The following ZFHX4 variants were observed in gnomAD, a reference collection of about 807,000 sequenced individuals.
ZFHX4 encodes zinc finger homeobox protein 4.
A neutral mutation model predicts 267.6 loss-of-function variants in ZFHX4; 56 were observed. The observed-to-expected ratio is 0.21, with a 90% CI of 0.17 to 0.26. The LOEUF (loss-of-function observed/expected upper bound fraction) is 0.26, where lower values mean the gene tolerates loss of function less well. Among genes scored for constraint, ZFHX4 ranks in the 10% least tolerant of loss-of-function variants. The pLI is 1.00. For missense variants in ZFHX4, 4,332 were observed against 4,420.0 expected (o/e 0.98, Z 0.56); for synonymous variants, 1,778 against 1,665.6 (o/e 1.07, Z -1.64).
At chr8:76,850,477 G>T in intron 9 of ZFHX4, 115 bp downstream of exon 9, 1 of 851,882 alleles carries the variant, frequency 1.2e-6, no homozygotes, top group Non-Finnish European at 1.8e-6. Flanking sequence ...GGGGAAAAAT[G>T]TATGCCATTT....
At chr8:76,814,575 T>C (rs1290139688) in intron 4 of ZFHX4, among the ~76,000 whole-genome samples, 1 of 152,176 alleles carries the variant, frequency 6.6e-6, no homozygotes, top group Non-Finnish European at 1.5e-5. Context: ...TGCTGTTCCT[T>C]AAGAATGCTG....
intron 1 of ZFHX4, among the ~76,000 whole-genome samples, chr8:76,690,514 G>A (rs749255302): frequency 2.0e-5 from 3 of 151,978 alleles, no homozygotes; most frequent in Admixed American, 6.6e-5. Flanking sequence ...CATTAAACCT[G>A]AAATACTTTG....
At chr8:76,723,284 G>T (rs567607592) in intron 3 of ZFHX4, among the ~76,000 whole-genome samples, 22 of 152,092 alleles carry the variant, frequency 1.4e-4, no homozygotes, top group African/African-American at 5.3e-4. Context: ...TGGGCTCTGA[G>T]TTACCATTAG....
intron 3 of ZFHX4, among the ~76,000 whole-genome samples, chr8:76,757,208 A>T (rs1281620025): frequency 6.6e-6 from 1 of 152,186 alleles, no homozygotes; most frequent in African/African-American, 2.4e-5. Context: ...CGCAGTCTAA[A>T]GTGGAAGCCA....
intron 4 of ZFHX4, among the ~76,000 whole-genome samples, chr8:76,807,551 T>C (rs1811275977): frequency 6.6e-6 from 1 of 152,038 alleles, no homozygotes. Context: ...ACAAGACAAT[T>C]GGGCTATAAG....
Position 76,863,676 on chromosome 8 carries a change from A to G in ZFHX4, c.9962A>G (p.Gln3321Arg). 6.2e-7 allele frequency: 1 copy of G among 1,601,888 alleles called. No homozygotes were observed. The highest frequency in any genetic ancestry group is 8.5e-7 in the Non-Finnish European group (1 of 1,173,548). The change falls in exon 11 of 11, where the codon CAG becomes CGG. Residue 3321 changes from glutamine (Q) to arginine (R), a missense_variant. Transcript: ENST00000651372. The part of the protein sequence containing the change: ...SPGALLQQYQ[Q>R]YQQNLQESLQ... ...GGTGCACTGTTGCAGCAGTACCAAC[A>G]GTATCAGCAGAACCTGCAGGAGTCC...
chr8:76,691,923 T>A (rs1193257520), intron 1 of ZFHX4, among the ~76,000 whole-genome samples: 1 of 152,062 alleles, frequency 6.6e-6, no homozygotes, highest in Non-Finnish European at 1.5e-5. Context: ...GAGTTTCCCC[T>A]CTCTCCTACA....
chr8:76,749,787 A>T lies in ZFHX4; in HGVS notation c.3094-28421A>T, dbSNP rs975285051. Among the ~76,000 whole-genome samples the T allele has an allele frequency of 3.2e-4, 49 of 152,312 alleles. 1 individual carries two copies. The highest frequency in any genetic ancestry group is 2.9e-3 in the Admixed American group (44 of 15,298). ...GTGTTTTGAGGATAGAGTAGGATTTATTGAGCGGAGCTAATTGCTAATTCA... is the reference window on the plus strand; with the variant it reads ...GTGTTTTGAGGATAGAGTAGGATTTTTTGAGCGGAGCTAATTGCTAATTCA... On this transcript the variant is annotated intron_variant, in intron 3 of 10. Transcript: ENST00000651372.
chr8:76,718,522 A>G (rs1808636702), intron 3 of ZFHX4, among the ~76,000 whole-genome samples: 1 of 152,150 alleles, frequency 6.6e-6, no homozygotes, highest in Non-Finnish European at 1.5e-5. Context: ...ATTTCCTGAG[A>G]AAATACTCCC....
intron 5 of ZFHX4, among the ~76,000 whole-genome samples, chr8:76,836,406 G>A (rs1253663126): frequency 6.6e-6 from 1 of 152,110 alleles, no homozygotes; most frequent in African/African-American, 2.4e-5. Context: ...AAAATCTGAG[G>A]ACCTTACTTG....
At position 76,731,162 on chromosome 8, in the gene ZFHX4, T is replaced by C. The variant is rs1253076801; in HGVS notation, c.3093+23114T>C. On this transcript the variant is annotated intron_variant, in intron 3 of 10. Coordinates refer to ENST00000651372, the MANE Select transcript of ZFHX4 (RefSeq NM_024721.5). ...GTGGAAGGAGACTGTCCTGAGTATA[T>C]ACAAAAACACACATTTTTCTCTCTG... Among the ~76,000 whole-genome samples, 3 of 152,154 alleles carry C rather than the reference T, an allele frequency of 2.0e-5. 1 individual carries two copies.
chr8:76,793,598 T>C (rs989213586), intron 4 of ZFHX4, among the ~76,000 whole-genome samples: 4 of 152,198 alleles, frequency 2.6e-5, no homozygotes, highest in African/African-American at 9.6e-5. Flanking sequence ...ACTATAAAAA[T>C]GATTTCACTT....
chr8:76,744,403 T>C (rs1156774891), intron 3 of ZFHX4, among the ~76,000 whole-genome samples: 5 of 151,882 alleles, frequency 3.3e-5, no homozygotes, highest in Non-Finnish European at 7.4e-5. Flanking sequence ...ATTTATGCCA[T>C]ACTTTCTTTT....
chr8:76,717,298 C>T (rs1006166882), intron 3 of ZFHX4, among the ~76,000 whole-genome samples: 2 of 152,080 alleles, frequency 1.3e-5, no homozygotes, highest in Non-Finnish European at 2.9e-5. Context: ...CACTCCTTTC[C>T]TCTCTCCTCC....
rs1261144267 is a variant in ZFHX4, at chr8:76,707,640, T to C, written c.2685T>C (p.Tyr895=). The C allele has an allele frequency of 1.2e-6, 2 of 1,613,946 alleles. No homozygotes were observed. The highest frequency in any genetic ancestry group is 1.7e-6 in the Non-Finnish European group (2 of 1,179,890). ...TTACTGCAGGAGAGCTGTCACCTTA[T>C]ATCAGTGACCCAGCGCTGAAGCTAT... ...SLLTAGELSP[Y]ISDPALKLFQ... is the part of the protein sequence containing the mutation. Residue 895 remains tyrosine (Y), a synonymous_variant, in exon 3 of 11, where the codon TAT becomes TAC. Transcript: ENST00000651372.
At chr8:76,700,617 G>A (rs796638635) in intron 1 of ZFHX4, among the ~76,000 whole-genome samples, 3 of 152,262 alleles carry the variant, frequency 2.0e-5, no homozygotes, top group African/African-American at 7.2e-5. Context: ...AGCAGAATGA[G>A]TAATAAAAGT....
chr8:76,784,892 A>G (rs1008208718), intron 4 of ZFHX4, among the ~76,000 whole-genome samples: 1 of 152,096 alleles, frequency 6.6e-6, no homozygotes, highest in Non-Finnish European at 1.5e-5. Flanking sequence ...TAATTAGGCT[A>G]TGCATTACTT....
intron 3 of ZFHX4, among the ~76,000 whole-genome samples, chr8:76,761,515 T>G (rs1809912088): frequency 6.6e-6 from 1 of 152,222 alleles, no homozygotes; most frequent in Non-Finnish European, 1.5e-5. Flanking sequence ...TTCTCCTTTA[T>G]TACAGTTAGG....
rs1812541245 is a variant in ZFHX4 at position 76,852,003 on chromosome 8, T to C, written c.5082T>C (p.Ile1694=). ...ACCCACCACAGTCACCAGCACAAAT[T>C]CAGATGCAACTACAGCACGAATTAC... ...AHHPPQSPAQ[I]QMQLQHELQQ... The change falls in exon 10 of 11, where the codon ATT becomes ATC. Residue 1694 remains isoleucine (I), a synonymous_variant. Transcript: ENST00000651372. 1 of 1,613,786 alleles carries C rather than the reference T, an allele frequency of 6.2e-7. No homozygotes were observed. Among genetic ancestry groups the C allele is most frequent in the African/African-American group, 1.3e-5 (1 of 74,902 alleles).
Sources: allele counts gnomAD v4.1 joint callset (sites outside exome capture counted in the v4.1 genomes callset), GRCh38; gene constraint gnomAD v4.1.1; transcripts MANE v1.5; gene names NCBI Gene and HGNC (gene_info 2026-07-23, HGNC 2026-07-21).